The following TAOK1 variants were observed in gnomAD, a reference collection of about 807,000 sequenced individuals.
TAOK1 encodes TAO kinase 1.
In TAOK1, 21 loss-of-function variants were observed where a neutral mutation model predicts 138.3. That is an observed-to-expected ratio of 0.15 (90% CI 0.11 to 0.22). TAOK1 has a LOEUF of 0.22. Among genes scored for constraint, TAOK1 ranks in the 10% least tolerant of loss-of-function variants. The pLI, the probability that TAOK1 is intolerant of heterozygous loss-of-function variation, is 1.00. For synonymous variants in TAOK1, 361 were observed against 398.4 expected, an observed-to-expected ratio of 0.91 and a Z score of 1.12; for missense variants, 651 against 1,227.7, an observed-to-expected ratio of 0.53 and a Z score of 7.02.
At chr17:29,541,814 T>A (rs994402236) in intron 19 of TAOK1, among the ~76,000 whole-genome samples, 1 of 152,102 alleles carries the variant, frequency 6.6e-6, no homozygotes, top group Non-Finnish European at 1.5e-5. Flanking sequence ...TTACACATTT[T>A]AAAAATATAA....
At chr17:29,418,770 G>A (rs1252421879) in intron 1 of TAOK1, among the ~76,000 whole-genome samples, 2 of 152,080 alleles carry the variant, frequency 1.3e-5, no homozygotes, top group Non-Finnish European at 2.9e-5. Context: ...GGAACTTTGT[G>A]GAATTGTTTT....
chr17:29,533,134 G>T (rs1375419919), intron 18 of TAOK1, among the ~76,000 whole-genome samples: 1 of 149,362 alleles, frequency 6.7e-6, no homozygotes, highest in East Asian at 2.0e-4. Flanking sequence ...GGCGGTTGCC[G>T]GGCAGAGACG....
At chr17:29,397,260 A>C (rs1476685830) in intron 1 of TAOK1, among the ~76,000 whole-genome samples, 1 of 151,944 alleles carries the variant, frequency 6.6e-6, no homozygotes, top group Non-Finnish European at 1.5e-5. Context: ...GTGCCACTGC[A>C]TTCCAGCCTG....
chr17:29,494,846 A>AG (rs1212677556), intron 10 of TAOK1, among the ~76,000 whole-genome samples: 3 of 151,606 alleles, frequency 2.0e-5, no homozygotes, highest in African/African-American at 7.3e-5. Context: ...AAAAAAAAAA[A>AG]AAGAATTCAA....
At chr17:29,428,280 T>C (rs771955375) in intron 1 of TAOK1, among the ~76,000 whole-genome samples, 4 of 152,162 alleles carry the variant, frequency 2.6e-5, no homozygotes, top group Non-Finnish European at 4.4e-5. Flanking sequence ...GTGTACAGAA[T>C]GGACTAAAGA....
chr17:29,427,292 T>C (rs540898459), intron 1 of TAOK1, among the ~76,000 whole-genome samples: 1 of 152,254 alleles, frequency 6.6e-6, no homozygotes, highest in East Asian at 1.9e-4. Context: ...AGTAATTCTT[T>C]AGAAGTGCTT....
At chr17:29,522,087 T>A (rs2031931429) in intron 16 of TAOK1, among the ~76,000 whole-genome samples, 193 bp from the exon 17 acceptor site, 1 of 152,184 alleles carries the variant, frequency 6.6e-6, no homozygotes, top group South Asian at 2.1e-4. Context: ...AAATAGTAAA[T>A]GAATATAAGG....
chr17:29,500,020 CA>C (rs2031494478), intron 12 of TAOK1, among the ~76,000 whole-genome samples: 1 of 152,114 alleles, frequency 6.6e-6, no homozygotes, highest in African/African-American at 2.4e-5. Context: ...TAACAATTAA[CA>C]GGAATGCTAA....
chr17:29,504,218 A>G (rs977886608), intron 13 of TAOK1, among the ~76,000 whole-genome samples: 1 of 136,164 alleles, frequency 7.3e-6, no homozygotes, highest in African/African-American at 2.7e-5. Flanking sequence ...TGGAGGTTGC[A>G]GTGAGCCGAG....
At chr17:29,393,129 C>T (rs1244093742) in intron 1 of TAOK1, among the ~76,000 whole-genome samples, 2 of 151,948 alleles carry the variant, frequency 1.3e-5, no homozygotes, top group Non-Finnish European at 2.9e-5. Context: ...GTAGAGTTTT[C>T]TCCATTATGG....
At chr17:29,450,824 C>T (rs2030213254) in intron 1 of TAOK1, among the ~76,000 whole-genome samples, 1 of 152,076 alleles carries the variant, frequency 6.6e-6, no homozygotes, top group Non-Finnish European at 1.5e-5. Context: ...CTATGACAGC[C>T]AGTATTAAAA....
chr17:29,534,501 T>G (rs2032188962), intron 19 of TAOK1, among the ~76,000 whole-genome samples: 1 of 152,078 alleles, frequency 6.6e-6, no homozygotes, highest in African/African-American at 2.4e-5. Context: ...GCTCCAGAAA[T>G]CAAGGGAATA....
intron 1 of TAOK1, among the ~76,000 whole-genome samples, chr17:29,403,471 G>T (rs1003979465): frequency 5.3e-5 from 8 of 152,242 alleles, no homozygotes; most frequent in Admixed American, 4.6e-4. Context: ...GATTGTACTT[G>T]ATAAGGAAAC....
At chr17:29,417,949 G>A (rs1054307661) in intron 1 of TAOK1, among the ~76,000 whole-genome samples, 2 of 152,026 alleles carry the variant, frequency 1.3e-5, no homozygotes, top group South Asian at 2.1e-4. Flanking sequence ...GTAGAGTGGC[G>A]TGATCATAGC....
intron 12 of TAOK1, among the ~76,000 whole-genome samples, chr17:29,502,382 G>T (rs1309002665): frequency 6.6e-6 from 1 of 152,180 alleles, no homozygotes; most frequent in African/African-American, 2.4e-5. Flanking sequence ...GTGAGCTATG[G>T]TCATACCACT....
intron 1 of TAOK1, among the ~76,000 whole-genome samples, chr17:29,413,528 G>A (rs538096086): frequency 1.3e-5 from 2 of 152,210 alleles, no homozygotes; most frequent in African/African-American, 4.8e-5. Flanking sequence ...TCCAGGAGGC[G>A]GAGGTTGTAG....
intron 8 of TAOK1, among the ~76,000 whole-genome samples, chr17:29,488,862 CAGT>C (rs945328681): frequency 1.3e-5 from 2 of 151,898 alleles, no homozygotes; most frequent in African/African-American, 4.8e-5. Flanking sequence ...AACTGAAAAA[CAGT>C]AGAGAAAATC....
intron 1 of TAOK1, among the ~76,000 whole-genome samples, chr17:29,435,486 C>T (rs1206037261): frequency 6.6e-6 from 1 of 152,058 alleles, no homozygotes; most frequent in East Asian, 1.9e-4. Flanking sequence ...AACTCTATTC[C>T]CCAAGGAATC....
chr17:29,413,522 G>A (rs1159381028), intron 1 of TAOK1, among the ~76,000 whole-genome samples: 1 of 152,152 alleles, frequency 6.6e-6, no homozygotes, highest in Non-Finnish European at 1.5e-5. Flanking sequence ...CTTGAGTCCA[G>A]GAGGCGGAGG....
Sources: allele counts gnomAD v4.1 joint callset (sites outside exome capture counted in the v4.1 genomes callset), GRCh38; gene constraint gnomAD v4.1.1; transcripts MANE v1.5; gene names NCBI Gene and HGNC (gene_info 2026-07-23, HGNC 2026-07-21).